ARCN1: variants seen among roughly 807,000 people sequenced by gnomAD.
ARCN1 encodes the protein archain 1 coat protein complex I subunit delta.
ARCN1 carries 5 observed loss-of-function variants against 60.4 expected under a neutral mutation model. That is an observed-to-expected ratio of 0.08 (90% CI 0.04 to 0.17). ARCN1 has a LOEUF of 0.17. Ranked by LOEUF, ARCN1 falls within the 10% of genes least tolerant of loss-of-function variation. The pLI is 1.00. For synonymous variants in ARCN1, 224 were observed against 220.0 expected (o/e 1.02, Z -0.16); for missense variants, 464 against 626.5 (o/e 0.74, Z 2.77).
intron 1 of ARCN1, among the ~76,000 whole-genome samples, chr11:118,573,458 A>G (rs1280032285): frequency 1.3e-5 from 2 of 152,234 alleles, no homozygotes; most frequent in Admixed American, 6.5e-5. Context: ...AACTGCTGAC[A>G]TCACTCAATC....
rs1376920819 is a variant in ARCN1, at chr11:118,601,860, G to A, written c.*1146G>A. 5 of 615,678 alleles carry A rather than the reference G, an allele frequency of 8.1e-6. No individual in the cohort carries two copies. Among genetic ancestry groups the A allele is most frequent in the Non-Finnish European group, 5.8e-6 (2 of 343,606 alleles). The allele number at this position is 615,678 out of a possible 1,614,324, so 38.1% of individuals were successfully genotyped here. ...CCAGTTAGGGATTTCACATCCACATGTAATCATGTCTGCTGCTGTTGCTAC... is the reference window on the plus strand; with the variant it reads ...CCAGTTAGGGATTTCACATCCACATATAATCATGTCTGCTGCTGTTGCTAC... On this transcript the variant is annotated 3_prime_UTR_variant, in exon 10 of 10. Transcript: ENST00000264028.
At position 118,595,794 on chromosome 11, in the gene ARCN1, G is replaced by A. The variant is rs558519509; in HGVS notation, c.1242-1913G>A. ...AGAAAATGGTACTAATTTGCCAGGC[G>A]CAGTGGCTCACGCCTGTAATCCCAG... is the stretch of plus-strand genomic sequence containing the variant. On this transcript the variant is annotated intron_variant, in intron 8 of 9. Coordinates refer to ENST00000264028, the MANE Select transcript of ARCN1 (RefSeq NM_001655.5). Among the ~76,000 whole-genome samples, 163 of 152,294 alleles carry A rather than the reference G, an allele frequency of 1.1e-3. 1 individual carries two copies. Among genetic ancestry groups the A allele is most frequent in the African/African-American group, 3.8e-3 (156 of 41,560 alleles).
At chr11:118,573,877 T>C (rs1938418507) in intron 1 of ARCN1, 6 of 499,186 alleles carry the variant, frequency 1.2e-5, no homozygotes, top group Non-Finnish European at 7.1e-6. Context: ...CTCCAGGAGG[T>C]TCTGTATTTG....
intron 5 of ARCN1, among the ~76,000 whole-genome samples, chr11:118,588,873 C>A (rs1447310378): frequency 6.6e-6 from 1 of 152,074 alleles, no homozygotes; most frequent in South Asian, 2.1e-4. Context: ...CAAAAATGAA[C>A]CGGGCGTGGT....
intron 5 of ARCN1, among the ~76,000 whole-genome samples, chr11:118,586,776 C>T (rs1196414822): frequency 2.7e-5 from 4 of 149,328 alleles, no homozygotes; most frequent in Admixed American, 6.8e-5. Context: ...TGCTTGAACC[C>T]GGGAAGCAGA....
At chr11:118,575,135 C>T (rs1340082622) in intron 1 of ARCN1, among the ~76,000 whole-genome samples, 1 of 152,062 alleles carries the variant, frequency 6.6e-6, no homozygotes, top group Non-Finnish European at 1.5e-5. Context: ...CCTGCCACCA[C>T]GCCCAACTAC....
chr11:118,594,995 G>A (rs933370025), intron 8 of ARCN1, among the ~76,000 whole-genome samples: 4 of 151,752 alleles, frequency 2.6e-5, no homozygotes, highest in Admixed American at 6.6e-5. Context: ...GATTACAGGC[G>A]TGTGCCACCA....
chr11:118,592,568 ATCTT>A, intron 6 of ARCN1, 137 bp from the exon 7 acceptor site: 1 of 571,166 alleles, frequency 1.8e-6, no homozygotes, highest in Non-Finnish European at 2.9e-6. Context: ...AAGAAGGGAA[ATCTT>A]TCTTCAAAAT....
chr11:118,593,772 C>T (rs925112344), intron 8 of ARCN1, 74 bp downstream of exon 8: 51 of 882,270 alleles, frequency 5.8e-5, no homozygotes, highest in Non-Finnish European at 7.7e-5. Flanking sequence ...GGAGTCAGCA[C>T]CTACCTGACC....
intron 5 of ARCN1, among the ~76,000 whole-genome samples, chr11:118,588,997 A>G (rs1357473366): frequency 6.6e-6 from 1 of 151,920 alleles, no homozygotes; most frequent in Admixed American, 6.6e-5. Context: ...CAGCCTGGGC[A>G]AGAAGAGTGA....
chr11:118,584,855 T>C (rs1938742072), intron 5 of ARCN1, among the ~76,000 whole-genome samples: 1 of 152,156 alleles, frequency 6.6e-6, no homozygotes, highest in African/African-American at 2.4e-5. Context: ...AGATGGAGTC[T>C]CACTCTGTCA....
At chr11:118,579,391 A>G (rs1938597931) in intron 1 of ARCN1, among the ~76,000 whole-genome samples, 1 of 151,952 alleles carries the variant, frequency 6.6e-6, no homozygotes, top group Non-Finnish European at 1.5e-5. Context: ...CAGCCAAAAT[A>G]GGCCGGGCGG....
intron 2 of ARCN1, among the ~76,000 whole-genome samples, chr11:118,582,394 T>C (rs532413080): frequency 4.6e-5 from 7 of 152,144 alleles, no homozygotes; most frequent in African/African-American, 1.7e-4. Flanking sequence ...CGTCCCGAAG[T>C]GCTGGGATTA....
intron 8 of ARCN1, 74 bp from the exon 9 acceptor site, chr11:118,597,633 A>G (rs533044434): frequency 1.5e-4 from 236 of 1,542,992 alleles, no homozygotes; most frequent in Admixed American, 4.8e-4. Flanking sequence ...TCATATATCA[A>G]ATTTGGGGTT....
intron 8 of ARCN1, among the ~76,000 whole-genome samples, chr11:118,596,743 T>C (rs1035614036): frequency 1.3e-5 from 2 of 152,324 alleles, no homozygotes; most frequent in African/African-American, 4.8e-5. Flanking sequence ...CTAGCCCTGC[T>C]TCTCTCGCAG....
At chr11:118,591,325 G>T (rs149620507) in intron 6 of ARCN1, among the ~76,000 whole-genome samples, 2 of 152,298 alleles carry the variant, frequency 1.3e-5, no homozygotes, top group Non-Finnish European at 2.9e-5. Flanking sequence ...TGGAAGCAGT[G>T]CTTATATTAT....
chr11:118,588,719 CT>C (rs1294282153), intron 5 of ARCN1, among the ~76,000 whole-genome samples: 1 of 152,066 alleles, frequency 6.6e-6, no homozygotes, highest in Non-Finnish European at 1.5e-5. Flanking sequence ...AGATCTGTCT[CT>C]TAAACAACAA....
chr11:118,601,299 C>A lies in ARCN1; in HGVS notation c.*585C>A, dbSNP rs534748502. On this transcript the variant is annotated 3_prime_UTR_variant, in exon 10 of 10. Transcript: ENST00000264028. ...CTGGTCGCGAACTCCTGAGCTCAGG[C>A]AATCCGCCCACCTCAGCCTCCCAAA... is the stretch of plus-strand genomic sequence containing the variant. The A allele has an allele frequency of 7.7e-6, 3 of 388,938 alleles. No individual in the cohort carries two copies. In the Admixed American group the frequency reaches 1.1e-4, roughly 15 times the overall value. The allele number at this position is 388,938 out of a possible 1,614,324, so 24.1% of individuals were successfully genotyped here.
intron 1 of ARCN1, among the ~76,000 whole-genome samples, chr11:118,580,223 G>C (rs1394525991): frequency 6.6e-6 from 1 of 152,184 alleles, no homozygotes; most frequent in Admixed American, 6.5e-5. Flanking sequence ...CTTTCAGGGG[G>C]CTGAGGCAGG....
Sources: allele counts gnomAD v4.1 joint callset (sites outside exome capture counted in the v4.1 genomes callset), GRCh38; gene constraint gnomAD v4.1.1; transcripts MANE v1.5; gene names NCBI Gene and HGNC (gene_info 2026-07-23, HGNC 2026-07-21).